The following FNDC3B variants were observed in gnomAD, a reference collection of about 807,000 sequenced individuals.
The protein encoded by FNDC3B is fibronectin type III domain-containing protein 3B.
Under a neutral mutation model 151.5 loss-of-function variants are expected in FNDC3B, and 12 were observed. The observed-to-expected ratio is 0.08, with a 90% CI of 0.05 to 0.13. FNDC3B has a LOEUF of 0.13. Among genes scored for constraint, FNDC3B ranks in the 10% least tolerant of loss-of-function variants. The probability of loss-of-function intolerance (pLI) is 1.00; values close to 1 mark genes in which losing one functional copy is unlikely to be tolerated. For missense variants in FNDC3B, 1,214 were observed against 1,505.3 expected, an observed-to-expected ratio of 0.81 and a Z score of 3.20; for synonymous variants, 528 against 549.0, an observed-to-expected ratio of 0.96 and a Z score of 0.54.
intron 6 of FNDC3B, among the ~76,000 whole-genome samples, chr3:172,265,856 T>G (rs1728896234): frequency 6.6e-6 from 1 of 152,204 alleles, no homozygotes; most frequent in African/African-American, 2.4e-5. Context: ...AGAAAGCATA[T>G]TGTCTGTTTT....
chr3:172,246,057 T>C (rs531418149), intron 4 of FNDC3B, among the ~76,000 whole-genome samples: 2 of 152,304 alleles, frequency 1.3e-5, no homozygotes, highest in East Asian at 3.9e-4. Flanking sequence ...TGAAGCTAAG[T>C]ATAGTTTTTT....
chr3:172,195,365 T>C (rs1358718613), intron 3 of FNDC3B, among the ~76,000 whole-genome samples: 1 of 152,230 alleles, frequency 6.6e-6, no homozygotes, highest in Non-Finnish European at 1.5e-5. Flanking sequence ...TGATTGAACA[T>C]TTTATTTTAA....
At chr3:172,211,293 T>C (rs1036418448) in intron 3 of FNDC3B, among the ~76,000 whole-genome samples, 1 of 152,216 alleles carries the variant, frequency 6.6e-6, no homozygotes, top group Non-Finnish European at 1.5e-5. Context: ...GATTTGAACT[T>C]GGCGGGATCC....
intron 11 of FNDC3B, among the ~76,000 whole-genome samples, chr3:172,322,468 T>G (rs1732135194): frequency 6.6e-6 from 1 of 152,212 alleles, no homozygotes; most frequent in South Asian, 2.1e-4. Flanking sequence ...GAAAGGGACA[T>G]AGACTTAGAC....
At chr3:172,191,740 T>C (rs966016958) in intron 3 of FNDC3B, among the ~76,000 whole-genome samples, 2 of 152,284 alleles carry the variant, frequency 1.3e-5, no homozygotes, top group South Asian at 4.2e-4. Context: ...CAAGTGATCC[T>C]CCCATAGTGC....
intron 6 of FNDC3B, among the ~76,000 whole-genome samples, chr3:172,261,923 G>A (rs1359828259): frequency 1.3e-5 from 2 of 152,172 alleles, no homozygotes; most frequent in African/African-American, 4.8e-5. Context: ...CCATGTAGGT[G>A]TTATTCTCAG....
Position 172,397,561 on chromosome 3 carries a change from G to T in FNDC3B, c.*86G>T. On this transcript the variant is annotated 3_prime_UTR_variant, in exon 26 of 26. Coordinates refer to ENST00000415807, the MANE Select transcript of FNDC3B (RefSeq NM_022763.4). ...ATACTCCCCTTTTTAAAGCCCTTTT[G>T]TTTTTTGATTTATATACTCTGTTTT... 2.3e-6 allele frequency: 2 copies of T among 867,268 alleles called. No homozygotes were observed. Among genetic ancestry groups the T allele is most frequent in the Non-Finnish European group, 3.4e-6 (2 of 590,232 alleles). 53.7% of individuals were successfully genotyped at this position (867,268 alleles called of 1,614,324 possible).
At chr3:172,201,935 T>A (rs1304613369) in intron 3 of FNDC3B, among the ~76,000 whole-genome samples, 3 of 152,240 alleles carry the variant, frequency 2.0e-5, no homozygotes, top group African/African-American at 7.2e-5. Context: ...TGCTCTTTTA[T>A]CTGGCAGCTC....
chr3:172,125,798 G>T (rs1576887855), intron 2 of FNDC3B, among the ~76,000 whole-genome samples: 1 of 152,208 alleles, frequency 6.6e-6, no homozygotes, highest in Non-Finnish European at 1.5e-5. Flanking sequence ...TTTTCTAAGG[G>T]GAATACAGAA....
chr3:172,179,030 G>A (rs889396998), intron 3 of FNDC3B, among the ~76,000 whole-genome samples: 1 of 152,122 alleles, frequency 6.6e-6, no homozygotes, highest in Admixed American at 6.6e-5. Context: ...AGGTTAGTAG[G>A]CCATAGGGCC....
chr3:172,150,282 C>T (rs1026676743), intron 3 of FNDC3B, among the ~76,000 whole-genome samples: 3 of 152,012 alleles, frequency 2.0e-5, no homozygotes, highest in South Asian at 4.1e-4. Context: ...ATTTAGTTTA[C>T]GTTGCACTTC....
chr3:172,189,275 G>A (rs1220959003), intron 3 of FNDC3B, among the ~76,000 whole-genome samples: 1 of 152,172 alleles, frequency 6.6e-6, no homozygotes, highest in African/African-American at 2.4e-5. Context: ...TATTTTTCAA[G>A]ATGTGCTAAA....
chr3:172,229,551 G>A (rs972825384), intron 4 of FNDC3B, among the ~76,000 whole-genome samples: 6 of 152,110 alleles, frequency 3.9e-5, no homozygotes, highest in African/African-American at 9.7e-5. Flanking sequence ...CACAGAAATA[G>A]TTGTTCTGTT....
At chr3:172,209,009 G>T (rs1725577562) in intron 3 of FNDC3B, among the ~76,000 whole-genome samples, 1 of 152,046 alleles carries the variant, frequency 6.6e-6, no homozygotes. Flanking sequence ...GAACCACAGA[G>T]CCCCAAAGAG....
chr3:172,329,059 A>C lies in FNDC3B; in HGVS notation c.1362A>C (p.Arg454=). ...GGTACACATTCAGGCTGGCCGCTCGAAACGACATTGGTACCAGGTATGACG... is the reference window on the plus strand; with the variant it reads ...GGTACACATTCAGGCTGGCCGCTCGCAACGACATTGGTACCAGGTATGACG... ...AMGYTFRLAA[R]NDIGTSGYSQ... The change falls in exon 12 of 26, where the codon CGA becomes CGC. Residue 454 remains arginine, a synonymous_variant. Coordinates refer to ENST00000415807, the MANE Select transcript of FNDC3B (RefSeq NM_022763.4). 1.2e-6 allele frequency: 2 copies of C among 1,613,578 alleles called. No individual in the cohort carries two copies. Among genetic ancestry groups the C allele is most frequent in the East Asian group, 4.5e-5 (2 of 44,844 alleles).
At chr3:172,346,143 A>G (rs584091) in intron 19 of FNDC3B, 184 bp from the exon 20 acceptor site, 232,273 of 393,226 alleles carry the variant, frequency 0.59, 70,854 homozygotes, top group Non-Finnish European at 0.64. Flanking sequence ...GGGACTGTAT[A>G]TAGGAGAAAA....
At chr3:172,224,831 G>A (rs1250944882) in intron 3 of FNDC3B, among the ~76,000 whole-genome samples, 1 of 152,196 alleles carries the variant, frequency 6.6e-6, no homozygotes, top group South Asian at 2.1e-4. Flanking sequence ...CCAGGAAGTC[G>A]CATCTCAGAC....
intron 3 of FNDC3B, among the ~76,000 whole-genome samples, chr3:172,182,750 T>G (rs1723977947): frequency 6.6e-6 from 1 of 152,196 alleles, no homozygotes; most frequent in African/African-American, 2.4e-5. Flanking sequence ...GATACATGAG[T>G]AAATTTTCAG....
intron 6 of FNDC3B, among the ~76,000 whole-genome samples, chr3:172,275,193 TG>T (rs1309973047): frequency 2.0e-5 from 3 of 152,174 alleles, no homozygotes; most frequent in African/African-American, 4.8e-5. Context: ...GAGTGAAATA[TG>T]GCTACTAAGT....
Sources: gnomAD v4.1 joint callset for allele counts (sites outside exome capture counted in the v4.1 genomes callset) on GRCh38, gnomAD v4.1.1 for gene constraint, MANE v1.5 for transcripts, NCBI Gene and HGNC (gene_info 2026-07-23, HGNC 2026-07-21) for gene names.